ZNF273: variants seen among roughly 807,000 people sequenced by gnomAD.
ZNF273 encodes the protein zinc finger protein 9.
In ZNF273, 11 loss-of-function variants were observed where a neutral mutation model predicts 14.9. The ratio of observed to expected loss-of-function variants is 0.74; its 90% CI spans 0.46 to 1.22. The LOEUF is 1.22. ZNF273 is among the 50% of genes most tolerant of loss of function. The pLI is 0.00. For synonymous variants in ZNF273, 199 were observed against 223.9 expected (o/e 0.89, Z 0.99); for missense variants, 577 against 660.6 (o/e 0.87, Z 1.39).
chr7:64,932,589 C>T (rs140313641), downstream of ZNF273, among the ~76,000 whole-genome samples: 7,446 of 152,224 alleles, frequency 0.049, 564 homozygotes, highest in African/African-American at 0.16. Context: ...CAGGCGCGAG[C>T]CACTGCGCCC....
At chr7:64,882,815 G>A (rs1425396196), downstream of ZNF273, 2 of 152,272 alleles carry the variant, frequency 1.3e-5, no homozygotes, top group Admixed American at 1.3e-4. Context: ...GCCCCCCTGT[G>A]ATTTCTGACT....
Position 64,928,740 on chromosome 7 carries a change from C to T in ZNF273, c.1412C>T (p.Ser471Leu), listed in dbSNP as rs755476663. 2 of 1,611,260 alleles carry T rather than the reference C, an allele frequency of 1.2e-6. No individual in the cohort carries two copies. Among genetic ancestry groups the T allele is most frequent in the Admixed American group, 3.3e-5 (2 of 59,888 alleles). ...EECGSAFRAF[S>L]TLTEHKRVHT... Reference sequence around the variant, plus strand: ...TGTGGCAGTGCCTTTAGGGCATTCTCAACCCTTACTGAACATAAGAGAGTT... The same window carrying T: ...TGTGGCAGTGCCTTTAGGGCATTCTTAACCCTTACTGAACATAAGAGAGTT... Residue 471 changes from serine to leucine, a missense_variant, in exon 4 of 4, where the codon TCA (serine) becomes TTA (leucine). Coordinates refer to ENST00000476120, the MANE Select transcript of ZNF273 (RefSeq NM_021148.3).
At chr7:64,909,842 TTTG>T (rs1222411677) in intron 1 of ZNF273, among the ~76,000 whole-genome samples, 1 of 151,460 alleles carries the variant, frequency 6.6e-6, no homozygotes, top group African/African-American at 2.4e-5. Flanking sequence ...ATCGTTTTTT[TTTG>T]TTTGTTTGTT....
downstream of ZNF273, among the ~76,000 whole-genome samples, chr7:64,883,623 A>G (rs1459444104): frequency 1.3e-5 from 2 of 152,228 alleles, no homozygotes; most frequent in East Asian, 1.9e-4. Context: ...CCCGGTGCCC[A>G]GGTGGGAGGA....
chr7:64,932,584 G>A (rs1355175310), downstream of ZNF273, among the ~76,000 whole-genome samples: 1 of 152,032 alleles, frequency 6.6e-6, no homozygotes, highest in Non-Finnish European at 1.5e-5. Flanking sequence ...GATTACAGGC[G>A]CGAGCCACTG....
At chr7:64,932,224 TA>T (rs34367766), downstream of ZNF273, among the ~76,000 whole-genome samples, 47 of 146,754 alleles carry the variant, frequency 3.2e-4, no homozygotes, top group African/African-American at 4.7e-4. Flanking sequence ...TAACTGTTTG[TA>T]AAAAAAAAAA....
At chr7:64,917,778 C>T (rs1794117714) in intron 2 of ZNF273, 71 bp downstream of exon 2, 1 of 1,467,598 alleles carries the variant, frequency 6.8e-7, no homozygotes, top group African/African-American at 1.4e-5. Flanking sequence ...TTGGAAATTT[C>T]TGCTTTGCAT....
downstream of ZNF273, among the ~76,000 whole-genome samples, chr7:64,883,919 C>G (rs1354209709): frequency 6.6e-6 from 1 of 152,168 alleles, no homozygotes; most frequent in Non-Finnish European, 1.5e-5. Flanking sequence ...TCACGTTTTG[C>G]GGACTAGGCA....
In ZNF273 at chr7:64,929,192, T is replaced by A; in HGVS notation, c.*154T>A. 2 of 530,756 alleles carry A rather than the reference T, an allele frequency of 3.8e-6. No individual in the cohort carries two copies. 32.9% of individuals were successfully genotyped at this position (530,756 alleles called of 1,614,324 possible). ...AAAAATTGTATAAAGAATGGAAAAG[T>A]CATTAATATCTGCTCATATCTTAAC... On this transcript the variant is annotated 3_prime_UTR_variant, in exon 4 of 4. Coordinates refer to ENST00000476120, the MANE Select transcript of ZNF273 (RefSeq NM_021148.3).
At chr7:64,894,529 A>G (rs1583969606), downstream of ZNF273, among the ~76,000 whole-genome samples, 1 of 152,166 alleles carries the variant, frequency 6.6e-6, no homozygotes, top group East Asian at 1.9e-4. Context: ...CCTTTAGAAA[A>G]GATTGGCTTT....
chr7:64,919,317 T>G (rs934972934), intron 3 of ZNF273, among the ~76,000 whole-genome samples: 11 of 152,144 alleles, frequency 7.2e-5, no homozygotes, highest in African/African-American at 2.4e-4. Context: ...ATTTTTAAGT[T>G]TATTTGCGTC....
intron 1 of ZNF273, among the ~76,000 whole-genome samples, chr7:64,909,578 C>T (rs1441717893): frequency 6.6e-6 from 1 of 151,816 alleles, no homozygotes; most frequent in Non-Finnish European, 1.5e-5. Context: ...TAGGTTGCTT[C>T]CATGTCTTTG....
At chr7:64,899,980 G>A (rs915344509), upstream of ZNF273, among the ~76,000 whole-genome samples, 1 of 151,918 alleles carries the variant, frequency 6.6e-6, no homozygotes, top group African/African-American at 2.4e-5. Flanking sequence ...GGCTGGTCTC[G>A]AACTCCCAAC....
intron 1 of ZNF273, among the ~76,000 whole-genome samples, chr7:64,885,145 T>C (rs1791503524): frequency 6.6e-6 from 1 of 152,236 alleles, no homozygotes; most frequent in Admixed American, 6.5e-5. Flanking sequence ...GGCGTTGGAC[T>C]CTTGCTCCTC....
downstream of ZNF273, among the ~76,000 whole-genome samples, chr7:64,884,026 T>A (rs1791434826): frequency 6.6e-6 from 1 of 152,244 alleles, no homozygotes; most frequent in East Asian, 1.9e-4. Flanking sequence ...GATTCCTATA[T>A]GATGGGACCT....
chr7:64,903,340 C>T lies in ZNF273; in HGVS notation c.23C>T (p.Pro8Leu), dbSNP rs780098243. 1 of 1,613,294 alleles carries T rather than the reference C, an allele frequency of 6.2e-7. No homozygotes were observed. The highest frequency in any genetic ancestry group is 8.5e-7 in the Non-Finnish European group (1 of 1,179,438). The change falls in exon 1 of 4, where the codon CCA becomes CTA. Residue 8 changes from proline to leucine, a missense_variant. By Grantham distance (98) the Pro-to-Leu change is moderately conservative. Around this residue, in one of 3 missense-constraint regions of ZNF273, gnomAD observed 162 missense variants for 203.5 expected, o/e 0.80. Coordinates refer to ENST00000476120, the MANE Select transcript of ZNF273 (RefSeq NM_021148.3). ...TCTATGTCCTCTGCTCCTAGAGGTCCACCTTCTGTGGCCCCGTTACCTGCA... is the reference window on the plus strand; with the variant it reads ...TCTATGTCCTCTGCTCCTAGAGGTCTACCTTCTGTGGCCCCGTTACCTGCA... MSSAPRG[P>L]PSVAPLPAGI...
chr7:64,878,958 G>A (rs776670199), intron 2 of ZNF273, among the ~76,000 whole-genome samples: 10 of 152,182 alleles, frequency 6.6e-5, no homozygotes, highest in Non-Finnish European at 1.2e-4. Flanking sequence ...GGGCAGCTGC[G>A]ATACTGTTGG....
chr7:64,888,189 C>T, intron 1 of ZNF273: 1 of 663,298 alleles, frequency 1.5e-6, no homozygotes, highest in Non-Finnish European at 1.9e-6. Context: ...CCTCATTTCA[C>T]CCCATTCCCT....
intron 1 of ZNF273, among the ~76,000 whole-genome samples, chr7:64,886,336 C>T (rs927264033): frequency 6.6e-6 from 1 of 152,164 alleles, no homozygotes; most frequent in East Asian, 1.9e-4. Context: ...GTGGGGTAGA[C>T]ATGTCAGGAT....
Sources: allele counts gnomAD v4.1 joint callset (sites outside exome capture counted in the v4.1 genomes callset), GRCh38; gene constraint gnomAD v4.1.1; regional missense constraint gnomAD v4.1.1; transcripts MANE v1.5; gene names NCBI Gene and HGNC (gene_info 2026-07-23, HGNC 2026-07-21).